Variants in GMDS observed in about 807,000 individuals in gnomAD.
GMDS encodes the protein GDP-mannose 4,6-dehydratase.
GMDS carries 20 observed loss-of-function variants against 49.9 expected under a neutral mutation model. The ratio of observed to expected loss-of-function variants is 0.40; its 90% CI spans 0.28 to 0.58. The LOEUF (loss-of-function observed/expected upper bound fraction) is 0.58. Ranked by LOEUF, GMDS falls within the 20% of genes least tolerant of loss-of-function variation. The pLI, the probability that GMDS is intolerant of heterozygous loss-of-function variation, is 0.42. For synonymous variants in GMDS, 177 were observed against 178.6 expected (o/e 0.99, Z 0.07); for missense variants, 362 against 481.4 (o/e 0.75, Z 2.32).
rs555263757 is a variant in GMDS at position 1,671,335 on chromosome 6, G to C, written c.988-46795C>G. ...CGACGCCCTGTTTAGAGGAAGCAGCGACTGAAGACTGCTCCCCTGCTGGGG... is the reference window on the plus strand; with the variant it reads ...CGACGCCCTGTTTAGAGGAAGCAGCCACTGAAGACTGCTCCCCTGCTGGGG... On this transcript the variant is annotated intron_variant, in intron 9 of 10. Transcript: ENST00000380815. 1.8e-4 allele frequency among the ~76,000 whole-genome samples: 28 copies of C among 152,246 alleles called. No individual in the cohort carries two copies. The South Asian group carries it at 5.8e-3, about 32-fold the overall frequency.
In GMDS at chr6:1,766,031, G is replaced by A. The variant is rs990263087; in HGVS notation, c.772-23445C>T. Among the ~76,000 whole-genome samples the A allele has an allele frequency of 6.6e-6, 1 of 152,110 alleles. No individual in the cohort carries two copies. Among genetic ancestry groups the A allele is most frequent in the Non-Finnish European group, 1.5e-5 (1 of 68,024 alleles). On this transcript the variant is annotated intron_variant, in intron 7 of 10. Coordinates refer to ENST00000380815, the MANE Select transcript of GMDS (RefSeq NM_001500.4). This position sits in a 1 kb window ranked among gnomAD's most constrained non-coding sequence, Gnocchi z 4.5. Reference sequence around the variant, plus strand: ...ATTAACTCCTCTACTTCAGAAATCAGCTGCAAACGTCCTCTCTCCCAGTGG... The same window carrying A: ...ATTAACTCCTCTACTTCAGAAATCAACTGCAAACGTCCTCTCTCCCAGTGG...
chr6:1,943,270 C>T (rs1218431239), intron 6 of GMDS, among the ~76,000 whole-genome samples: 1 of 152,244 alleles, frequency 6.6e-6, no homozygotes, highest in African/African-American at 2.4e-5. Flanking sequence ...CAAGTGTCAT[C>T]TCAGTGGAAG....
chr6:1,953,647 C>A lies in GMDS; in HGVS notation c.643+6220G>T, dbSNP rs73716904. Among the ~76,000 whole-genome samples the A allele has an allele frequency of 7.8e-3, 1,186 of 152,196 alleles. 18 individuals carry two copies. The highest frequency in any genetic ancestry group is 0.027 in the African/African-American group (1,107 of 41,538). On this transcript the variant is annotated intron_variant, in intron 6 of 10. Transcript: ENST00000380815. Reference sequence around the variant, plus strand: ...ACATATGTGATGAACAGTAGTTATTCTTCTTATTTACCTCCTAATGTAATA... The same window carrying A: ...ACATATGTGATGAACAGTAGTTATTATTCTTATTTACCTCCTAATGTAATA...
At chr6:1,960,709 A>C in intron 5 of GMDS, 65 bp downstream of exon 5, 1 of 1,090,486 alleles carries the variant, frequency 9.2e-7, no homozygotes. Context: ...GAAAGGAAAA[A>C]CACACACCCC....
At chr6:1,851,934 T>C (rs1359953732) in intron 7 of GMDS, among the ~76,000 whole-genome samples, 1 of 152,174 alleles carries the variant, frequency 6.6e-6, no homozygotes, top group Non-Finnish European at 1.5e-5. Flanking sequence ...CCTGGGCAGC[T>C]TCTGTGACCA....
At chr6:1,652,937 T>G (rs1763761633) in intron 9 of GMDS, among the ~76,000 whole-genome samples, 2 of 148,740 alleles carry the variant, frequency 1.3e-5, no homozygotes, top group African/African-American at 5.0e-5. Context: ...TGTGTCTGTG[T>G]ATGTCCCTCT....
Position 2,103,229 on chromosome 6 carries a change from T to C in GMDS, c.345+12542A>G, listed in dbSNP as rs564769842. Among the ~76,000 whole-genome samples the C allele has an allele frequency of 2.6e-5, 4 of 152,318 alleles. No homozygotes were observed. The South Asian group carries it at 6.2e-4, about 24-fold the overall frequency. On this transcript the variant is annotated intron_variant, in intron 4 of 10. Coordinates refer to ENST00000380815, the MANE Select transcript of GMDS (RefSeq NM_001500.4). ...GAAGCAGCTAGAGGATGAATGGCAA[T>C]ATGCTCTCAAGTAAGCTTTTATTAA...
intron 1 of GMDS, among the ~76,000 whole-genome samples, chr6:2,157,090 C>T (rs1173956935): frequency 6.6e-6 from 1 of 152,164 alleles, no homozygotes; most frequent in African/African-American, 2.4e-5. Context: ...TCACTAAAAA[C>T]TCCATTTATA....
intron 1 of GMDS, among the ~76,000 whole-genome samples, chr6:2,186,730 G>A (rs1163890105): frequency 6.6e-6 from 1 of 152,196 alleles, no homozygotes; most frequent in Non-Finnish European, 1.5e-5. Flanking sequence ...GTTTCGCTTA[G>A]GAGGATCTGA....
chr6:2,224,927 A>C (rs1780750209), intron 1 of GMDS, among the ~76,000 whole-genome samples: 1 of 152,148 alleles, frequency 6.6e-6, no homozygotes, highest in African/African-American at 2.4e-5. Flanking sequence ...AGGCACAGAG[A>C]GGCTGAATAA....
chr6:1,845,728 G>A (rs115313064), intron 7 of GMDS, among the ~76,000 whole-genome samples: 3,334 of 152,180 alleles, frequency 0.022, 49 homozygotes, highest in Middle Eastern at 0.051. Context: ...CATAAGGAGC[G>A]CATAACCTAG....
intron 7 of GMDS, among the ~76,000 whole-genome samples, chr6:1,914,051 A>G (rs1217914638): frequency 6.6e-6 from 1 of 151,968 alleles, no homozygotes; most frequent in Non-Finnish European, 1.5e-5. Context: ...CACTGCTGCT[A>G]AACTGTGGGA....
intron 1 of GMDS, among the ~76,000 whole-genome samples, chr6:2,219,109 A>T (rs1262693067): frequency 6.6e-6 from 1 of 152,228 alleles, no homozygotes; most frequent in Non-Finnish European, 1.5e-5. Flanking sequence ...AAACAAAAAA[A>T]GAAAGTAAAC....
intron 1 of GMDS, among the ~76,000 whole-genome samples, chr6:2,215,740 T>C (rs1308009643): frequency 1.3e-5 from 2 of 152,140 alleles, no homozygotes; most frequent in East Asian, 1.9e-4. Flanking sequence ...TTGACCAATT[T>C]AATGTATCAC....
chr6:2,110,057 T>C (rs2127494547), intron 4 of GMDS, among the ~76,000 whole-genome samples: 1 of 152,332 alleles, frequency 6.6e-6, no homozygotes, highest in Non-Finnish European at 1.5e-5. Flanking sequence ...TCTGGGTTTT[T>C]AATAGGCTAC....
At chr6:1,685,262 G>C (rs948645487) in intron 9 of GMDS, among the ~76,000 whole-genome samples, 2 of 152,058 alleles carry the variant, frequency 1.3e-5, no homozygotes, top group East Asian at 3.9e-4. Context: ...TTAGCCCAGT[G>C]TGGTGGTACA....
intron 7 of GMDS, among the ~76,000 whole-genome samples, chr6:1,891,872 A>G (rs1416601591): frequency 6.6e-6 from 1 of 152,230 alleles, no homozygotes; most frequent in African/African-American, 2.4e-5. Context: ...AGGTCATATG[A>G]CAATATCAAC....
intron 7 of GMDS, among the ~76,000 whole-genome samples, chr6:1,849,590 C>T (rs893142931): frequency 2.0e-5 from 3 of 152,134 alleles, no homozygotes; most frequent in East Asian, 3.8e-4. Context: ...CCTGTGAATA[C>T]CCAGTAAATG....
At chr6:1,993,133 C>T (rs1005831255) in intron 4 of GMDS, among the ~76,000 whole-genome samples, 3 of 151,972 alleles carry the variant, frequency 2.0e-5, no homozygotes, top group Admixed American at 2.0e-4. Context: ...AGTCCCATCT[C>T]CTCTCCCTTG....
Sources: allele counts gnomAD v4.1 joint callset (sites outside exome capture counted in the v4.1 genomes callset), GRCh38; gene constraint gnomAD v4.1.1; non-coding constraint Gnocchi (gnomAD v3.1); transcripts MANE v1.5; gene names NCBI Gene and HGNC (gene_info 2026-07-23, HGNC 2026-07-21).